Variants in LARP4 observed in about 807,000 individuals in gnomAD.
LARP4 encodes la-related protein 4.
Under a neutral mutation model 92.9 loss-of-function variants are expected in LARP4, and 29 were observed. The observed-to-expected ratio is 0.31, with a 90% CI of 0.23 to 0.43. The LOEUF (loss-of-function observed/expected upper bound fraction) is 0.43. LARP4 is among the 20% of genes least tolerant of loss of function. LARP4 has a pLI of 1.00. For synonymous variants in LARP4, 279 were observed against 284.1 expected, an observed-to-expected ratio of 0.98 and a Z score of 0.18; for missense variants, 732 against 860.0, an observed-to-expected ratio of 0.85 and a Z score of 1.86.
intron 12 of LARP4, among the ~76,000 whole-genome samples, chr12:50,465,838 A>G (rs1314852434): frequency 6.6e-6 from 1 of 152,208 alleles, no homozygotes; most frequent in Non-Finnish European, 1.5e-5. Flanking sequence ...CACCACCAAA[A>G]AGCAAAACAG....
At chr12:50,414,479 A>AT (rs1206856697) in intron 1 of LARP4, among the ~76,000 whole-genome samples, 1 of 151,998 alleles carries the variant, frequency 6.6e-6, no homozygotes, top group Non-Finnish European at 1.5e-5. Context: ...AATTCTTGTG[A>AT]TTTTGTAAAG....
intron 1 of LARP4, among the ~76,000 whole-genome samples, chr12:50,415,535 T>G (rs1565951211): frequency 6.6e-6 from 1 of 152,200 alleles, no homozygotes; most frequent in African/African-American, 2.4e-5. Context: ...ATACTTTGTA[T>G]GTTAAATATT....
At position 50,436,048 on chromosome 12, in the gene LARP4, ACT is replaced by A. The variant is rs1950361503; in HGVS notation, c.535+427_535+428del. 5.8e-3 allele frequency among the ~76,000 whole-genome samples: 425 copies of A among 73,626 alleles called. 3 individuals carry two copies. Among genetic ancestry groups the A allele is most frequent in the African/African-American group, 0.022 (330 of 14,736 alleles). 48.3% of individuals were successfully genotyped at this position (73,626 alleles called of 152,430 possible). ...CCACCTTGGCTTCCCATTTTTACTG[ACT>A]CTGTGTGTGTGTGTGTGTGTGTGTG... On this transcript the variant is annotated intron_variant, in intron 5 of 15. Coordinates refer to ENST00000398473, the MANE Select transcript of LARP4 (RefSeq NM_052879.5).
At chr12:50,469,735 C>T (rs1413652127) in intron 13 of LARP4, among the ~76,000 whole-genome samples, 1 of 151,542 alleles carries the variant, frequency 6.6e-6, no homozygotes, top group African/African-American at 2.4e-5. Context: ...GTGGTGAAAC[C>T]CCGTCTCTAC....
chr12:50,431,262 C>T (rs1363817861), intron 4 of LARP4, among the ~76,000 whole-genome samples: 1 of 152,018 alleles, frequency 6.6e-6, no homozygotes, highest in East Asian at 1.9e-4. Context: ...GAGCGAAACT[C>T]CATCTCAAAA....
At chr12:50,433,360 C>T (rs187518632) in intron 4 of LARP4, among the ~76,000 whole-genome samples, 5 of 149,906 alleles carry the variant, frequency 3.3e-5, no homozygotes, top group Middle Eastern at 3.5e-3. Flanking sequence ...ACATCCTACT[C>T]AGGACTGTGA....
In LARP4 at chr12:50,453,481, A is replaced by C; in HGVS notation, c.826A>C (p.Thr276Pro). 1 of 1,609,950 alleles carries C rather than the reference A, an allele frequency of 6.2e-7. No homozygotes were observed. Among genetic ancestry groups the C allele is most frequent in the African/African-American group, 1.3e-5 (1 of 74,946 alleles). Residue 276 changes from threonine to proline, a missense_variant, in exon 9 of 16, where the codon ACA becomes CCA. Coordinates refer to ENST00000398473, the MANE Select transcript of LARP4 (RefSeq NM_052879.5). ...CTAGGCAAGGATAAAAGCCATCAAT[A>C]CATTTTTTGCTAAGAATGGTTATCG... ...PIMARIKAINTFFAKNGYRLM... is the reference protein window; with the variant it reads ...PIMARIKAINPFFAKNGYRLM...
intron 4 of LARP4, 117 bp downstream of exon 4, chr12:50,430,687 AGTCT>A: frequency 1.7e-6 from 1 of 588,460 alleles, no homozygotes; most frequent in South Asian, 2.6e-5. Context: ...CTTGAGACAG[AGTCT>A]CATGTTGTCG....
chr12:50,443,605 T>A (rs996801767), intron 8 of LARP4, among the ~76,000 whole-genome samples: 3 of 151,930 alleles, frequency 2.0e-5, no homozygotes, highest in South Asian at 2.1e-4. Context: ...AATTTAATTT[T>A]ATTTTCTTAA....
intron 4 of LARP4, among the ~76,000 whole-genome samples, chr12:50,434,632 C>G (rs147611862): frequency 6.6e-6 from 1 of 151,148 alleles, no homozygotes; most frequent in African/African-American, 2.4e-5. Flanking sequence ...GTCTTGAGCT[C>G]TTGACCTCTA....
chr12:50,437,329 T>G (rs1428036192), intron 5 of LARP4, among the ~76,000 whole-genome samples: 1 of 152,154 alleles, frequency 6.6e-6, no homozygotes, highest in Non-Finnish European at 1.5e-5. Context: ...TCTTCATATA[T>G]CAGATTTCAT....
chr12:50,427,125 T>G (rs1948917366), intron 1 of LARP4, among the ~76,000 whole-genome samples: 1 of 152,102 alleles, frequency 6.6e-6, no homozygotes, highest in Non-Finnish European at 1.5e-5. Context: ...GGAAAAAAAT[T>G]TACAATATAA....
intron 14 of LARP4, 44 bp from the exon 15 acceptor site, chr12:50,473,955 C>T (rs745621850): frequency 2.6e-6 from 4 of 1,544,526 alleles, no homozygotes; most frequent in Admixed American, 1.9e-5. Context: ...TCAACTGTTC[C>T]TATATGCTAT....
intron 5 of LARP4, among the ~76,000 whole-genome samples, chr12:50,437,406 C>CA (rs1331202461): frequency 6.6e-6 from 1 of 152,160 alleles, no homozygotes; most frequent in East Asian, 1.9e-4. Flanking sequence ...CATTTGTTAT[C>CA]TCCTCAATGA....
chr12:50,410,999 T>G (rs1592765944), intron 1 of LARP4, among the ~76,000 whole-genome samples: 1 of 152,242 alleles, frequency 6.6e-6, no homozygotes, highest in East Asian at 1.9e-4. Flanking sequence ...AGAGGGCAAG[T>G]GAATTCTGAT....
intron 1 of LARP4, among the ~76,000 whole-genome samples, chr12:50,403,558 T>TA (rs1428118804): frequency 6.6e-6 from 1 of 152,168 alleles, no homozygotes; most frequent in African/African-American, 2.4e-5. Flanking sequence ...TTTAGAAATG[T>TA]AAAAAAACGG....
intron 14 of LARP4, among the ~76,000 whole-genome samples, 157 bp downstream of exon 14, chr12:50,473,693 C>A (rs1957189751): frequency 6.6e-6 from 1 of 150,770 alleles, no homozygotes; most frequent in Admixed American, 6.6e-5. Context: ...TGGTGAAACC[C>A]CGTCTCTACT....
intron 1 of LARP4, among the ~76,000 whole-genome samples, chr12:50,419,862 G>C (rs1163692797): frequency 6.6e-6 from 1 of 152,040 alleles, no homozygotes; most frequent in Non-Finnish European, 1.5e-5. Flanking sequence ...CTGTGATCAC[G>C]CCCCTGCGCT....
intron 1 of LARP4, among the ~76,000 whole-genome samples, chr12:50,413,008 G>A (rs1479591789): frequency 1.3e-5 from 2 of 151,988 alleles, no homozygotes; most frequent in African/African-American, 4.8e-5. Flanking sequence ...CGGATCACGA[G>A]GTCAGGAGTT....
Sources: allele counts gnomAD v4.1 joint callset (sites outside exome capture counted in the v4.1 genomes callset), GRCh38; gene constraint gnomAD v4.1.1; transcripts MANE v1.5; gene names NCBI Gene and HGNC (gene_info 2026-07-23, HGNC 2026-07-21).